The following MAP3K4 variants were observed in gnomAD, a reference collection of about 807,000 sequenced individuals.
MAP3K4 encodes the protein MAP three kinase 1.
A neutral mutation model predicts 185.6 loss-of-function variants in MAP3K4; 67 were observed. The observed-to-expected ratio is 0.36, with a 90% CI of 0.30 to 0.44. The LOEUF is 0.44. MAP3K4 is among the 20% of genes least tolerant of loss of function. MAP3K4 has a pLI of 1.00. For missense variants in MAP3K4, 1,551 were observed against 1,995.1 expected (o/e 0.78, Z 4.24); for synonymous variants, 702 against 710.4 (o/e 0.99, Z 0.19).
chr6:161,018,114 T>TG (rs1782199765), intron 1 of MAP3K4, among the ~76,000 whole-genome samples: 1 of 152,142 alleles, frequency 6.6e-6, no homozygotes, highest in East Asian at 1.9e-4. Context: ...CAGACTGTGT[T>TG]GCGGGGAAGA....
At chr6:161,002,538 A>G (rs1781372315) in intron 1 of MAP3K4, among the ~76,000 whole-genome samples, 1 of 151,400 alleles carries the variant, frequency 6.6e-6, no homozygotes, top group South Asian at 2.1e-4. Flanking sequence ...TATGAATCAT[A>G]TAAAGAAGAA....
Position 161,109,729 on chromosome 6 carries a change from A to G in MAP3K4, c.4237-26A>G, listed in dbSNP as rs561043225. 3.7e-6 allele frequency: 6 copies of G among 1,613,812 alleles called. No homozygotes were observed. In the South Asian group the frequency reaches 5.5e-5, roughly 15 times the overall value. On this transcript the variant is annotated intron_variant, in intron 22 of 26. Coordinates refer to ENST00000392142, the MANE Select transcript of MAP3K4 (RefSeq NM_005922.4). This position sits in a 1 kb window ranked among gnomAD's most constrained non-coding sequence, Gnocchi z 5.7. ...TACATCTAAGGAAAACCGTAAACAC[A>G]GAGCTGCCCTTTATTCCTCCCACAG... is the stretch of plus-strand genomic sequence containing the variant.
chr6:161,057,627 A>G (rs191354215), intron 3 of MAP3K4, among the ~76,000 whole-genome samples: 10 of 152,298 alleles, frequency 6.6e-5, no homozygotes, highest in Admixed American at 2.0e-4. Context: ...ACGTGAAGCT[A>G]GACCAGCAAC....
intron 1 of MAP3K4, among the ~76,000 whole-genome samples, chr6:161,021,613 T>G (rs796265030): frequency 1.1e-4 from 16 of 152,370 alleles, no homozygotes; most frequent in African/African-American, 3.8e-4. Flanking sequence ...TCCCAGCACT[T>G]TGTTCCCTGT....
chr6:161,067,301 G>C lies in MAP3K4; in HGVS notation c.1708-3307G>C, dbSNP rs540306713. Reference sequence around the variant, plus strand: ...GATGGGGCTTGCAGGTCACAGGTAGGTAAGAGACAAAACGTTACATTTTTT... The same window carrying C: ...GATGGGGCTTGCAGGTCACAGGTAGCTAAGAGACAAAACGTTACATTTTTT... On this transcript the variant is annotated intron_variant, in intron 3 of 26. Coordinates refer to ENST00000392142, the MANE Select transcript of MAP3K4 (RefSeq NM_005922.4). The surrounding 1 kb of genome is among the most constrained non-coding windows in gnomAD (Gnocchi z 6.3). 1.4e-5 allele frequency: 6 copies of C among 423,334 alleles called. No homozygotes were observed. In the East Asian group the frequency reaches 4.8e-4, roughly 34 times the overall value. The allele number at this position is 423,334 out of a possible 1,614,324, so 26.2% of individuals were successfully genotyped here.
Position 161,034,572 on chromosome 6 carries a change from A to ATTTTT in MAP3K4, c.343+128_343+132dup. 3.5e-6 allele frequency: 2 copies of ATTTTT among 568,980 alleles called. No individual in the cohort carries two copies. The highest frequency in any genetic ancestry group is 3.4e-5 in the South Asian group (1 of 29,478). 35.2% of individuals were successfully genotyped at this position (568,980 alleles called of 1,614,324 possible). ...GATTTTAATGCTCCTGTAAAGTTCAATTTTTTTTTGAATTATTACCATTAG... is the reference window on the plus strand; with the variant it reads ...GATTTTAATGCTCCTGTAAAGTTCAATTTTTTTTTTTTTTGAATTATTACCATTAG... On this transcript the variant is annotated intron_variant, in intron 2 of 26. Coordinates refer to ENST00000392142, the MANE Select transcript of MAP3K4 (RefSeq NM_005922.4). The surrounding 1 kb of genome is among the most constrained non-coding windows in gnomAD (Gnocchi z 4.4).
rs569431545 is a variant in MAP3K4 at position 161,054,060 on chromosome 6, A to G, written c.1707+4081A>G. Among the ~76,000 whole-genome samples, 3 of 152,314 alleles carry G rather than the reference A, an allele frequency of 2.0e-5. No individual in the cohort carries two copies. The highest frequency in any genetic ancestry group is 7.2e-5 in the African/African-American group (3 of 41,568). ...ACGTGATGTTTGATTTTTCTTATCT[A>G]TGTCTTTATATATTTTTTGATTACG... is the stretch of plus-strand genomic sequence containing the variant. On this transcript the variant is annotated intron_variant, in intron 3 of 26. Coordinates refer to ENST00000392142, the MANE Select transcript of MAP3K4 (RefSeq NM_005922.4). The surrounding 1 kb of genome is among the most constrained non-coding windows in gnomAD (Gnocchi z 4.2).
intron 1 of MAP3K4, among the ~76,000 whole-genome samples, chr6:161,029,009 A>G (rs1782799070): frequency 1.3e-5 from 2 of 152,216 alleles, no homozygotes; most frequent in African/African-American, 4.8e-5. Context: ...CAGGCCAAGC[A>G]AGCTATACAC....
Position 161,111,455 on chromosome 6 carries a change from A to G in MAP3K4, c.4397-381A>G, listed in dbSNP as rs542090253. On this transcript the variant is annotated intron_variant, in intron 23 of 26. Coordinates refer to ENST00000392142, the MANE Select transcript of MAP3K4 (RefSeq NM_005922.4). ...CAGTGCGTGTGCAGCTCTCATCTAC[A>G]TGTCGCTTCCTGTTTCAGACGCTGC... 3.3e-5 allele frequency among the ~76,000 whole-genome samples: 5 copies of G among 152,296 alleles called. No individual in the cohort carries two copies. The South Asian group carries it at 6.2e-4, about 19-fold the overall frequency.
intron 1 of MAP3K4, among the ~76,000 whole-genome samples, chr6:161,032,344 C>G (rs1312518682): frequency 6.6e-6 from 1 of 152,164 alleles, no homozygotes; most frequent in Non-Finnish European, 1.5e-5. Context: ...CAGTGACCTC[C>G]CAAGGCCTGT....
Position 161,106,553 on chromosome 6 carries a change from AGTC to A in MAP3K4, c.3897_3899del (p.Ser1300del). 1 of 1,613,648 alleles carries A rather than the reference AGTC, an allele frequency of 6.2e-7. No homozygotes were observed. The highest frequency in any genetic ancestry group is 8.5e-7 in the Non-Finnish European group (1 of 1,179,802). On this transcript the variant is annotated inframe_deletion, in exon 20 of 27. Transcript: ENST00000392142. The surrounding 1 kb of genome is among the most constrained non-coding windows in gnomAD (Gnocchi z 4.9). ...CTAGGACCCATAGAAGCTATCCAGA[AGTC>A]AGTCCGATTGTTTGAAGAAAAGAGG... is the stretch of plus-strand genomic sequence containing the variant.
intron 3 of MAP3K4, among the ~76,000 whole-genome samples, chr6:161,059,241 T>C (rs1784383478): frequency 6.6e-6 from 1 of 152,148 alleles, no homozygotes; most frequent in Non-Finnish European, 1.5e-5. Context: ...GTTCCAGCGA[T>C]TCTCATGCCT....
intron 3 of MAP3K4, among the ~76,000 whole-genome samples, chr6:161,069,559 C>T (rs1784844596): frequency 2.0e-5 from 3 of 151,878 alleles, no homozygotes; most frequent in African/African-American, 7.3e-5. Context: ...TTGTTTGGGC[C>T]ATATTTGGTA....
intron 1 of MAP3K4, among the ~76,000 whole-genome samples, chr6:161,028,473 TG>T (rs2115144087): frequency 6.6e-6 from 1 of 152,300 alleles, no homozygotes; most frequent in Non-Finnish European, 1.5e-5. Context: ...ATTTGGATAA[TG>T]ATTAAATCCA....
At chr6:161,058,889 A>G (rs1784365631) in intron 3 of MAP3K4, among the ~76,000 whole-genome samples, 2 of 152,126 alleles carry the variant, frequency 1.3e-5, no homozygotes, top group African/African-American at 4.8e-5. Flanking sequence ...TTGCTTGTGT[A>G]AACAATGTAG....
At chr6:161,002,795 G>A (rs890441557) in intron 1 of MAP3K4, among the ~76,000 whole-genome samples, 5 of 151,974 alleles carry the variant, frequency 3.3e-5, no homozygotes, top group Admixed American at 2.0e-4. Context: ...GTTTCACCAT[G>A]TTAGCCATGA....
Position 161,049,579 on chromosome 6 carries a change from A to G in MAP3K4, c.1307A>G (p.Lys436Arg). The G allele has an allele frequency of 6.2e-7, 1 of 1,614,170 alleles. No individual in the cohort carries two copies. Among genetic ancestry groups the G allele is most frequent in the Non-Finnish European group, 8.5e-7 (1 of 1,180,030 alleles). Reference protein sequence around the residue: ...VFEIPSPRPSKGNEPEYEGDD... With the variant: ...VFEIPSPRPSRGNEPEYEGDD... Reference sequence around the variant, plus strand: ...GAAATCCCTTCCCCTCGACCATCCAAAGGTAATGAGCCGGAGTATGAGGGT... The same window carrying G: ...GAAATCCCTTCCCCTCGACCATCCAGAGGTAATGAGCCGGAGTATGAGGGT... The change falls in exon 3 of 27, where the codon AAA becomes AGA. Residue 436 changes from lysine (K) to arginine (R), a missense_variant. Coordinates refer to ENST00000392142, the MANE Select transcript of MAP3K4 (RefSeq NM_005922.4). This position sits in a 1 kb window ranked among gnomAD's most constrained non-coding sequence, Gnocchi z 8.4.
intron 1 of MAP3K4, among the ~76,000 whole-genome samples, chr6:161,010,515 C>T (rs535166154): frequency 6.6e-6 from 1 of 152,068 alleles, no homozygotes; most frequent in East Asian, 1.9e-4. Flanking sequence ...TAAAAGTTCA[C>T]TTAAAAATCA....
At chr6:161,021,513 G>A (rs1782388400) in intron 1 of MAP3K4, among the ~76,000 whole-genome samples, 1 of 152,190 alleles carries the variant, frequency 6.6e-6, no homozygotes, top group Non-Finnish European at 1.5e-5. Flanking sequence ...ACTTTTATGT[G>A]TCAGTTGAAA....
Sources: allele counts gnomAD v4.1 joint callset (sites outside exome capture counted in the v4.1 genomes callset), GRCh38; gene constraint gnomAD v4.1.1; non-coding constraint Gnocchi (gnomAD v3.1); transcripts MANE v1.5; gene names NCBI Gene and HGNC (gene_info 2026-07-23, HGNC 2026-07-21).